ERCC6: variants seen among roughly 807,000 people sequenced by gnomAD.
The protein encoded by ERCC6 is ERCC excision repair 6, chromatin remodeling factor.
Under a neutral mutation model 158.7 loss-of-function variants are expected in ERCC6, and 116 were observed. The ratio of observed to expected loss-of-function variants is 0.73; its 90% CI spans 0.63 to 0.85. The LOEUF (loss-of-function observed/expected upper bound fraction) is 0.85. ERCC6 is among the 40% of genes least tolerant of loss of function. The pLI, the probability that ERCC6 is intolerant of heterozygous loss-of-function variation, is 0.00. For synonymous variants in ERCC6, 678 were observed against 659.3 expected, an observed-to-expected ratio of 1.03 and a Z score of -0.43; for missense variants, 1,698 against 1,799.4, an observed-to-expected ratio of 0.94 and a Z score of 1.02.
chr10:49,468,121 G>A (rs933340909), intron 18 of ERCC6, among the ~76,000 whole-genome samples: 19 of 152,140 alleles, frequency 1.2e-4, no homozygotes, highest in South Asian at 6.2e-4. Context: ...CCTCTAATTC[G>A]AAAAGTTAAA....
intron 2 of ERCC6, 126 bp from the exon 3 acceptor site, chr10:49,530,966 C>A: frequency 7.5e-7 from 1 of 1,331,374 alleles, no homozygotes; most frequent in Non-Finnish European, 1.0e-6. Flanking sequence ...GGAAACTAAA[C>A]CAGAATACAT....
Position 49,474,008 on chromosome 10 carries a change from C to G in ERCC6, c.2598+19G>C, listed in dbSNP as rs1381561611. 1 of 1,609,328 alleles carries G rather than the reference C, an allele frequency of 6.2e-7. No individual in the cohort carries two copies. Among genetic ancestry groups the G allele is most frequent in the Non-Finnish European group, 8.5e-7 (1 of 1,176,090 alleles). ...CATAAAGAACCAGCCTGTTTCCCGT[C>G]TGAAGTCTGTGCACTCACCTGCCTT... On this transcript the variant is annotated intron_variant, in intron 13 of 20. Transcript: ENST00000355832.
chr10:49,493,093 A>G lies in ERCC6; in HGVS notation c.1821+24T>C, dbSNP rs200634232. 606 of 1,613,384 alleles carry G rather than the reference A, an allele frequency of 3.8e-4. 2 individuals are homozygous for G. In the African/African-American group the frequency reaches 5.9e-3, roughly 16 times the overall value. On this transcript the variant is annotated intron_variant, in intron 8 of 20. Coordinates refer to ENST00000355832, the MANE Select transcript of ERCC6 (RefSeq NM_000124.4). ...AATGGAGGGCATTAAAACAAAACAA[A>G]AAGGTACTGAAATATTGTGTTACCT...
Position 49,481,109 on chromosome 10 carries a change from G to A in ERCC6, c.2169+1578C>T, listed in dbSNP as rs73305568. 2.6e-3 allele frequency among the ~76,000 whole-genome samples: 402 copies of A among 152,320 alleles called. 2 individuals carry two copies. Among genetic ancestry groups the A allele is most frequent in the African/African-American group, 8.9e-3 (370 of 41,576 alleles). The stretch of plus-strand genomic sequence containing the variant: ...ATTTGGAGAAAGGGGCATCAGATCT[G>A]CAACCTGCCCTCAGGTGGTTAGAAA... On this transcript the variant is annotated intron_variant, in intron 10 of 20. Coordinates refer to ENST00000355832, the MANE Select transcript of ERCC6 (RefSeq NM_000124.4).
At chr10:49,500,466 C>T in intron 7 of ERCC6, 72 bp downstream of exon 7, 2 of 1,497,718 alleles carry the variant, frequency 1.3e-6, no homozygotes, top group Non-Finnish European at 1.9e-6. Context: ...ACAAGACCCT[C>T]CTCCACAGCA....
At chr10:49,445,181 G>C in the ERCC6 span, among the ~76,000 whole-genome samples, 1 of 152,208 alleles carries the variant, frequency 6.6e-6, no homozygotes, top group Non-Finnish European at 1.5e-5. Context: ...GCTAGGAACA[G>C]GAAAAGGGTT....
Position 49,515,260 on chromosome 10 carries a change from T to C in ERCC6, c.1397+8773A>G, listed in dbSNP as rs570670706. 10 of 1,460,644 alleles carry C rather than the reference T, an allele frequency of 6.8e-6. No homozygotes were observed. The East Asian group carries it at 2.4e-4, about 35-fold the overall frequency. 90.5% of individuals were successfully genotyped at this position (1,460,644 alleles called of 1,614,324 possible). On this transcript the variant is annotated intron_variant, in intron 5 of 20. Coordinates refer to ENST00000355832, the MANE Select transcript of ERCC6 (RefSeq NM_000124.4). Reference sequence around the variant, plus strand: ...ATGTGACGTTCCAAAATTGGAACACTAGGCAAAACCACTGCTACACTGTAC... The same window carrying C: ...ATGTGACGTTCCAAAATTGGAACACCAGGCAAAACCACTGCTACACTGTAC...
At position 49,473,712 on chromosome 10, in the gene ERCC6, G is replaced by A. The variant is rs1318517991; in HGVS notation, c.2599-125C>T. On this transcript the variant is annotated intron_variant, in intron 13 of 20. Coordinates refer to ENST00000355832, the MANE Select transcript of ERCC6 (RefSeq NM_000124.4). ...ATGTTAAAAGGAGTTTCTTGCTTTA[G>A]GACAGATAAACAGAACTGTTAAAAG... 5.5e-5 allele frequency: 42 copies of A among 761,340 alleles called. No individual in the cohort carries two copies. In the Admixed American group the frequency reaches 7.4e-4, roughly 13 times the overall value. The allele number at this position is 761,340 out of a possible 1,614,324, so 47.2% of individuals were successfully genotyped here. A position where few individuals can be genotyped will look rare whatever the true frequency, so the allele number is the denominator to read the frequency against.
downstream of ERCC6, among the ~76,000 whole-genome samples, chr10:49,453,381 C>T (rs1333574631): frequency 2.0e-5 from 3 of 152,092 alleles, no homozygotes; most frequent in African/African-American, 7.2e-5. Context: ...AAATCCAACA[C>T]ATTGTTATAA....
intron 5 of ERCC6, chr10:49,517,265 C>A: frequency 8.1e-7 from 1 of 1,234,904 alleles, no homozygotes; most frequent in Non-Finnish European, 1.1e-6. Flanking sequence ...AATAGCATAA[C>A]TAGTAGAGAA....
intron 10 of ERCC6, among the ~76,000 whole-genome samples, chr10:49,481,650 G>C (rs954972019): frequency 6.6e-6 from 1 of 152,204 alleles, no homozygotes; most frequent in African/African-American, 2.4e-5. Flanking sequence ...ACCACCCTAT[G>C]GCTAACTTCA....
At chr10:49,484,046 A>G (rs1247696185) in intron 8 of ERCC6, among the ~76,000 whole-genome samples, 1 of 151,938 alleles carries the variant, frequency 6.6e-6, no homozygotes, top group African/African-American at 2.4e-5. Flanking sequence ...TGGGAGGCTG[A>G]GGTGGGTGGA....
intron 7 of ERCC6, among the ~76,000 whole-genome samples, chr10:49,494,673 A>G (rs1389800808): frequency 6.6e-6 from 1 of 152,126 alleles, no homozygotes; most frequent in Non-Finnish European, 1.5e-5. Flanking sequence ...ACTCCCCTGA[A>G]ACTCTCACTA....
chr10:49,484,163 C>G (rs1384187523), intron 8 of ERCC6, among the ~76,000 whole-genome samples: 1 of 151,684 alleles, frequency 6.6e-6, no homozygotes, highest in Non-Finnish European at 1.5e-5. Flanking sequence ...CACCTGTAGT[C>G]CCATCTACTC....
intron 4 of ERCC6, chr10:49,525,362 T>A (rs1000574030): frequency 6.2e-6 from 1 of 161,242 alleles, no homozygotes; most frequent in African/African-American, 2.4e-5. Flanking sequence ...TTTCAAGTGC[T>A]CAAGAGCTAC....
Position 49,500,599 on chromosome 10 carries a change from T to C in ERCC6, c.1624A>G (p.Ile542Val), listed in dbSNP as rs1334064557. 2.5e-6 allele frequency: 4 copies of C among 1,613,890 alleles called. No individual in the cohort carries two copies. The highest frequency in any genetic ancestry group is 1.7e-5 in the Admixed American group (1 of 59,990). Residue 542 changes from isoleucine (I) to valine (V), a missense_variant, in exon 7 of 21, where the codon ATA (isoleucine) becomes GTA (valine). Ile to Val is a conservative substitution (Grantham distance 29, BLOSUM62 3). Coordinates refer to ENST00000355832, the MANE Select transcript of ERCC6 (RefSeq NM_000124.4). ...CTCAGACCTGCCAAGAAGGCAATTA[T>C]CTGGATGGTCTTGCCCAATCCCATT... Reference protein sequence around the residue: ...DEMGLGKTIQIIAFLAGLSYS... With the variant: ...DEMGLGKTIQVIAFLAGLSYS...
chr10:49,493,783 G>A (rs2132565784), intron 7 of ERCC6, among the ~76,000 whole-genome samples: 1 of 152,336 alleles, frequency 6.6e-6, no homozygotes. Context: ...CCAGGGGACA[G>A]AGGGCTGCCT....
At chr10:49,536,686 G>A (rs1490262731) in intron 1 of ERCC6, among the ~76,000 whole-genome samples, 1 of 152,146 alleles carries the variant, frequency 6.6e-6, no homozygotes, top group Non-Finnish European at 1.5e-5. Context: ...ACCTACCTGA[G>A]GATCTCCCCA....
intron 12 of ERCC6, chr10:49,475,391 T>C (rs986338468): frequency 1.6e-5 from 7 of 446,630 alleles, no homozygotes; most frequent in Non-Finnish European, 3.2e-5. Flanking sequence ...GTAGTTTGCA[T>C]TCCCTTTCCT....
Sources: gnomAD v4.1 joint callset for allele counts (sites outside exome capture counted in the v4.1 genomes callset) on GRCh38, gnomAD v4.1.1 for gene constraint, MANE v1.5 for transcripts, NCBI Gene and HGNC (gene_info 2026-07-23, HGNC 2026-07-21) for gene names.